The following ZNF423 variants were observed in gnomAD, a reference collection of about 807,000 sequenced individuals.
ZNF423 encodes zinc finger protein 423, also known as Ebf-associated zinc finger protein.
A neutral mutation model predicts 95.8 loss-of-function variants in ZNF423; 12 were observed. That is an observed-to-expected ratio of 0.13 (90% CI 0.08 to 0.20). The LOEUF is 0.20. Ranked by LOEUF, ZNF423 falls within the 10% of genes least tolerant of loss-of-function variation. The probability of loss-of-function intolerance (pLI) is 1.00; values close to 1 mark genes in which losing one functional copy is unlikely to be tolerated. For missense variants in ZNF423, 1,316 were observed against 1,737.1 expected (o/e 0.76, Z 4.31); for synonymous variants, 749 against 711.9 (o/e 1.05, Z -0.83).
intron 5 of ZNF423, among the ~76,000 whole-genome samples, chr16:49,543,386 C>T (rs182092671): frequency 2.0e-5 from 3 of 152,210 alleles, no homozygotes; most frequent in East Asian, 1.9e-4. Context: ...GCCCCATCTC[C>T]GTGCCCACTC....
intron 5 of ZNF423, among the ~76,000 whole-genome samples, chr16:49,576,250 C>A (rs780849685): frequency 6.6e-6 from 1 of 152,238 alleles, no homozygotes; most frequent in Non-Finnish European, 1.5e-5. Flanking sequence ...CTGGGAACAG[C>A]AACCGTGGCT....
intron 7 of ZNF423, among the ~76,000 whole-genome samples, chr16:49,512,238 C>T (rs1027199001): frequency 3.3e-5 from 5 of 152,156 alleles, no homozygotes; most frequent in South Asian, 2.1e-4. Flanking sequence ...AGATTGAGCA[C>T]GTCCACACAT....
intron 7 of ZNF423, among the ~76,000 whole-genome samples, chr16:49,519,217 G>C (rs984887933): frequency 1.3e-5 from 2 of 152,204 alleles, no homozygotes; most frequent in African/African-American, 4.8e-5. Flanking sequence ...CCTCCGGTTT[G>C]GGGCCATGAC....
intron 1 of ZNF423, among the ~76,000 whole-genome samples, chr16:49,842,243 G>A (rs2035190000): frequency 9.3e-6 from 1 of 107,896 alleles, no homozygotes; most frequent in African/African-American, 3.6e-5. Context: ...GGAAGGGAAG[G>A]GAGGGGAAAG....
At chr16:49,591,814 A>G (rs1313957174) in intron 5 of ZNF423, among the ~76,000 whole-genome samples, 1 of 152,246 alleles carries the variant, frequency 6.6e-6, no homozygotes, top group Non-Finnish European at 1.5e-5. Flanking sequence ...GCAAAAGAGT[A>G]GGCAGTGATT....
At chr16:49,809,447 G>C (rs2143949635) in intron 1 of ZNF423, among the ~76,000 whole-genome samples, 1 of 152,344 alleles carries the variant, frequency 6.6e-6, no homozygotes, top group South Asian at 2.1e-4. Flanking sequence ...CCCAGGCAGA[G>C]AGGTCTCAGA....
intron 4 of ZNF423, among the ~76,000 whole-genome samples, chr16:49,634,204 CTTTTT>C (rs528621494): frequency 8.8e-6 from 1 of 114,248 alleles, no homozygotes. Flanking sequence ...CCACACCTGG[CTTTTT>C]TTTTTTTTTT....
chr16:49,568,403 G>A (rs1229070992), intron 5 of ZNF423, among the ~76,000 whole-genome samples: 1 of 152,148 alleles, frequency 6.6e-6, no homozygotes, highest in Non-Finnish European at 1.5e-5. Context: ...GGCTGGGCCT[G>A]TTGCACCTTA....
chr16:49,697,686 G>A (rs1035904458), intron 3 of ZNF423, among the ~76,000 whole-genome samples: 1 of 152,242 alleles, frequency 6.6e-6, no homozygotes, highest in African/African-American at 2.4e-5. Flanking sequence ...CAGTACCCTG[G>A]ACCGTGCAGT....
intron 5 of ZNF423, among the ~76,000 whole-genome samples, chr16:49,598,327 T>C (rs919983718): frequency 6.6e-6 from 1 of 152,230 alleles, no homozygotes; most frequent in Non-Finnish European, 1.5e-5. Flanking sequence ...TATAAAACTT[T>C]GAGGGAAAAC....
chr16:49,679,664 G>C (rs1156688309), intron 3 of ZNF423, among the ~76,000 whole-genome samples: 1 of 152,210 alleles, frequency 6.6e-6, no homozygotes, highest in East Asian at 1.9e-4. Context: ...GTGCCCCTCG[G>C]CACAAACAGT....
At chr16:49,502,971 TCA>T (rs1209519798) in intron 7 of ZNF423, among the ~76,000 whole-genome samples, 2 of 136,178 alleles carry the variant, frequency 1.5e-5, no homozygotes, top group African/African-American at 5.6e-5. Flanking sequence ...CCATGCACAC[TCA>T]CACACACACG....
intron 5 of ZNF423, among the ~76,000 whole-genome samples, chr16:49,621,108 C>T (rs972716535): frequency 1.2e-4 from 18 of 152,138 alleles, no homozygotes; most frequent in Admixed American, 3.3e-4. Flanking sequence ...GTCATCCTCC[C>T]AGAGTCCTCG....
intron 1 of ZNF423, among the ~76,000 whole-genome samples, chr16:49,850,097 C>T (rs1209744734): frequency 6.6e-6 from 1 of 152,236 alleles, no homozygotes; most frequent in Non-Finnish European, 1.5e-5. Flanking sequence ...ATTGGCGCTC[C>T]TTGAAAGCGG....
intron 5 of ZNF423, among the ~76,000 whole-genome samples, chr16:49,528,997 C>G (rs1293745259): frequency 1.3e-5 from 2 of 151,970 alleles, no homozygotes; most frequent in African/African-American, 4.8e-5. Context: ...TATAAGATCG[C>G]ACAGTGCTCG....
chr16:49,651,741 T>C (rs1020952283), intron 3 of ZNF423, among the ~76,000 whole-genome samples: 1 of 152,208 alleles, frequency 6.6e-6, no homozygotes, highest in African/African-American at 2.4e-5. Flanking sequence ...TGTTCTATAA[T>C]GCCTAAAATA....
At chr16:49,677,553 G>A (rs914416756) in intron 3 of ZNF423, among the ~76,000 whole-genome samples, 1 of 152,134 alleles carries the variant, frequency 6.6e-6, no homozygotes, top group East Asian at 1.9e-4. Flanking sequence ...CACTTTGGGA[G>A]GCAGGAGGAT....
Position 49,608,222 on chromosome 16 carries a change from C to A in ZNF423, c.3601+17948G>T, listed in dbSNP as rs370233407. ...GGAGGGAAGAATATAAAAAGCAATG[C>A]TGGCACAGGAACAAGGGATCGTTAG... On this transcript the variant is annotated intron_variant, in intron 5 of 7. Coordinates refer to ENST00000563137, the MANE Select transcript of ZNF423 (RefSeq NM_001379286.1). Among the ~76,000 whole-genome samples the A allele has an allele frequency of 7.9e-5, 12 of 152,264 alleles. No individual in the cohort carries two copies. In the East Asian group the frequency reaches 1.7e-3, roughly 22 times the overall value.
chr16:49,500,941 CA>C (rs1468564062), intron 7 of ZNF423, among the ~76,000 whole-genome samples: 2 of 151,468 alleles, frequency 1.3e-5, no homozygotes, highest in African/African-American at 4.9e-5. Context: ...TTCTCAAAAC[CA>C]AAAAAGGGTT....
Sources: allele counts gnomAD v4.1 joint callset (sites outside exome capture counted in the v4.1 genomes callset), GRCh38; gene constraint gnomAD v4.1.1; transcripts MANE v1.5; gene names NCBI Gene and HGNC (gene_info 2026-07-23, HGNC 2026-07-21).